The following APC variants were observed in gnomAD, a reference collection of about 807,000 sequenced individuals.
The protein encoded by APC is APC regulator of Wnt signaling pathway, also known as adenomatous polyposis coli protein.
Under a neutral mutation model 247.0 loss-of-function variants are expected in APC, and 72 were observed. The observed-to-expected ratio is 0.29, with a 90% confidence interval of 0.24 to 0.35. APC has a LOEUF of 0.35. APC is among the 10% of genes least tolerant of loss of function. The pLI is 1.00. For synonymous variants in APC, 1,254 were observed against 1,162.5 expected, an observed-to-expected ratio of 1.08 and a Z score of -1.60; for missense variants, 3,400 against 3,360.7, an observed-to-expected ratio of 1.01 and a Z score of -0.29.
At position 112,844,469 on chromosome 5, in the gene APC, TATCA is replaced by T. The variant is rs1273487134; in HGVS notation, c.*348_*351del. The T allele has an allele frequency of 3.0e-5, 8 of 267,990 alleles. No homozygotes were observed. The East Asian group carries it at 3.4e-4, about 11-fold the overall frequency. The allele number at this position is 267,990 out of a possible 1,614,324, so 16.6% of individuals were successfully genotyped here. Reference sequence around the variant, plus strand: ...GATAGAAAATATGATATATTGCTGTTATCAATCATTTCTAGATTATAAACTGACT... The same window carrying T: ...GATAGAAAATATGATATATTGCTGTTATCATTTCTAGATTATAAACTGACT... On this transcript the variant is annotated 3_prime_UTR_variant, in exon 16 of 16. Coordinates refer to ENST00000257430, the MANE Select transcript of APC (RefSeq NM_000038.6).
intron 6 of APC, among the ~76,000 whole-genome samples, chr5:112,789,858 T>TA (rs1044279651): frequency 2.4e-4 from 20 of 83,322 alleles, no homozygotes; most frequent in Non-Finnish European, 5.6e-4. Flanking sequence ...TTAAAGAATA[T>TA]TTTTTTTTTT....
chr5:112,767,439 T>C (rs2149790434), intron 4 of APC, 49 bp downstream of exon 4: 5 of 1,368,354 alleles, frequency 3.7e-6, no homozygotes, highest in Non-Finnish European at 5.2e-6. Flanking sequence ...TCCAGTTTAT[T>C]GTTATTTTGT....
chr5:112,794,824 T>C (rs1292870036), intron 7 of APC, among the ~76,000 whole-genome samples: 4 of 152,208 alleles, frequency 2.6e-5, no homozygotes, highest in African/African-American at 9.7e-5. Flanking sequence ...CAGTAATTCA[T>C]TAGAATGGCT....
In APC at chr5:112,810,571, A is replaced by C. The variant is rs372826152; in HGVS notation, c.835-4924A>C. Among the ~76,000 whole-genome samples the C allele has an allele frequency of 6.6e-5, 10 of 152,344 alleles. No individual in the cohort carries two copies. In the East Asian group the frequency reaches 1.2e-3, roughly 18 times the overall value. On this transcript the variant is annotated intron_variant, in intron 8 of 15. Coordinates refer to ENST00000257430, the MANE Select transcript of APC (RefSeq NM_000038.6). The stretch of plus-strand genomic sequence containing the variant: ...CGACAGCATCCTAAAGAGTTACGTA[A>C]GTTTCTCACATGCTCAAATTTCTCT...
chr5:112,759,608 G>C (rs768822586), intron 2 of APC, among the ~76,000 whole-genome samples: 1 of 151,826 alleles, frequency 6.6e-6, no homozygotes, highest in Admixed American at 6.6e-5. Flanking sequence ...CTCCTGCCTC[G>C]GCCTCCAAAG....
chr5:112,824,050 CA>C (rs1377991444), intron 11 of APC, among the ~76,000 whole-genome samples: 2 of 152,154 alleles, frequency 1.3e-5, no homozygotes, highest in Admixed American at 6.5e-5. Context: ...AAAACAAAAG[CA>C]ATATGCTTTT....
chr5:112,714,386 A>G (rs1179656607), intron 1 of APC, among the ~76,000 whole-genome samples: 1 of 152,264 alleles, frequency 6.6e-6, no homozygotes, highest in Non-Finnish European at 1.5e-5. Flanking sequence ...AAGAATTCAG[A>G]GATTGATCTA....
intron 5 of APC, among the ~76,000 whole-genome samples, chr5:112,777,177 AT>A (rs1410275259): frequency 6.6e-6 from 1 of 152,180 alleles, no homozygotes; most frequent in Non-Finnish European, 1.5e-5. Flanking sequence ...GAATGATGGC[AT>A]TTCAGAAACA....
intron 1 of APC, among the ~76,000 whole-genome samples, chr5:112,717,902 C>CTTT (rs1289888067): frequency 9.0e-5 from 2 of 22,298 alleles, no homozygotes; most frequent in East Asian, 2.5e-3. Context: ...TTTTCTTTTT[C>CTTT]TTTTTCTTTT....
chr5:112,756,619 G>A (rs2464808), intron 2 of APC, among the ~76,000 whole-genome samples: 9,899 of 152,200 alleles, frequency 0.065, 393 homozygotes, highest in Middle Eastern at 0.14. Flanking sequence ...GTTTTGTAGT[G>A]TAGAACTCTG....
At chr5:112,782,290 C>T (rs1396620318) in intron 6 of APC, among the ~76,000 whole-genome samples, 1 of 152,036 alleles carries the variant, frequency 6.6e-6, no homozygotes, top group Non-Finnish European at 1.5e-5. Context: ...AGAGACCCAC[C>T]CCCATAATTT....
chr5:112,772,234 A>C (rs527680088), intron 4 of APC, among the ~76,000 whole-genome samples: 2 of 152,186 alleles, frequency 1.3e-5, no homozygotes, highest in Non-Finnish European at 2.9e-5. Context: ...CCTTTAGTAC[A>C]CTAAACCCTA....
rs200151646 is a variant in APC, at chr5:112,842,119, A to G, written c.6525A>G (p.Thr2175=). 2.4e-4 allele frequency: 382 copies of G among 1,611,204 alleles called. No homozygotes were observed. Among genetic ancestry groups the G allele is most frequent in the Non-Finnish European group, 3.1e-4 (362 of 1,178,202 alleles). ...TTCTAAAACCAGGGGAGAAAAGTAC[A>G]TTGGAAACTAAAAAGATAGAATCTG... ...PRILKPGEKS[T]LETKKIESES... is the part of the protein sequence containing the mutation. The change falls in exon 16 of 16, where the codon ACA becomes ACG. Residue 2175 remains threonine (T), a synonymous_variant. Transcript: ENST00000257430.
chr5:112,780,762 G>A (rs1168855071), intron 5 of APC, 28 bp from the exon 6 acceptor site: 1 of 1,489,782 alleles, frequency 6.7e-7, no homozygotes, highest in East Asian at 2.3e-5. Context: ...ACAAGATATT[G>A]ATACTTTTTT....
At chr5:112,717,213 A>G (rs1180118202) in intron 1 of APC, among the ~76,000 whole-genome samples, 1 of 152,022 alleles carries the variant, frequency 6.6e-6, no homozygotes, top group African/African-American at 2.4e-5. Flanking sequence ...GGGTTTCACC[A>G]TGTTTGCTAG....
chr5:112,740,294 T>A (rs1561421963), intron 1 of APC, among the ~76,000 whole-genome samples: 1 of 152,132 alleles, frequency 6.6e-6, no homozygotes, highest in Non-Finnish European at 1.5e-5. Context: ...AGTGTTAGAT[T>A]GAGATGTTTT....
In APC at chr5:112,827,224, A is replaced by G; in HGVS notation, c.1525A>G (p.Thr509Ala). The G allele has an allele frequency of 1.2e-6, 2 of 1,613,878 alleles. No homozygotes were observed. The highest frequency in any genetic ancestry group is 2.2e-5 in the South Asian group (2 of 91,084). ...RYAGMALTNL[T>A]FGDVANKATL... is the part of the protein sequence containing the mutation. ...TGCTGGAATGGCTTTGACAAACTTG[A>G]CTTTTGGAGATGTAGCCAACAAGGT... The change falls in exon 12 of 16, where the codon ACT becomes GCT. Residue 509 changes from threonine to alanine, a missense_variant. By Grantham distance (58) the Thr-to-Ala change is moderately conservative (BLOSUM62 0). This residue lies in a region of APC where 184 missense variants were observed against 248.0 expected (regional missense o/e 0.74). Transcript: ENST00000257430.
rs78712625 is a variant in APC at position 112,770,567 on chromosome 5, A to G, written c.422+3177A>G. 5.2e-3 allele frequency among the ~76,000 whole-genome samples: 787 copies of G among 152,258 alleles called. 3 individuals carry two copies. The highest frequency in any genetic ancestry group is 0.018 in the African/African-American group (755 of 41,568). On this transcript the variant is annotated intron_variant, in intron 4 of 15. Transcript: ENST00000257430. ...TATCTGGAGAGAAAGAGGTATCAAC[A>G]TGGTGTTGTTAGAAGGTTCTCAACT...
At chr5:112,748,984 A>C (rs1356120810) in intron 1 of APC, among the ~76,000 whole-genome samples, 1 of 152,192 alleles carries the variant, frequency 6.6e-6, no homozygotes, top group Non-Finnish European at 1.5e-5. Context: ...GTCTCAGAAA[A>C]AAAGAATGAA....
Sources: allele counts gnomAD v4.1 joint callset (sites outside exome capture counted in the v4.1 genomes callset), GRCh38; gene constraint gnomAD v4.1.1; regional missense constraint gnomAD v4.1.1; transcripts MANE v1.5; gene names NCBI Gene and HGNC (gene_info 2026-07-23, HGNC 2026-07-21).